SEMA3E: variants seen among roughly 807,000 people sequenced by gnomAD.
SEMA3E encodes the protein semaphorin-3E.
Under a neutral mutation model 93.6 loss-of-function variants are expected in SEMA3E, and 49 were observed. That is an observed-to-expected ratio of 0.52 (90% CI 0.42 to 0.66). The LOEUF (loss-of-function observed/expected upper bound fraction) is 0.66. Among genes scored for constraint, SEMA3E ranks in the 30% least tolerant of loss-of-function variants. The probability of loss-of-function intolerance (pLI) is 0.00; values close to 1 mark genes in which losing one functional copy is unlikely to be tolerated. For missense variants in SEMA3E, 906 were observed against 964.8 expected, an observed-to-expected ratio of 0.94 and a Z score of 0.81; for synonymous variants, 363 against 330.7, an observed-to-expected ratio of 1.10 and a Z score of -1.06.
chr7:83,647,634 A>G (rs76276733), intron 1 of SEMA3E, among the ~76,000 whole-genome samples: 1,692 of 152,316 alleles, frequency 0.011, 17 homozygotes, highest in Non-Finnish European at 0.017. Flanking sequence ...TGCAAAATCT[A>G]TCTTTTAATC....
At chr7:83,523,132 A>T (rs1434204271) in intron 1 of SEMA3E, among the ~76,000 whole-genome samples, 1 of 152,120 alleles carries the variant, frequency 6.6e-6, no homozygotes, top group Non-Finnish European at 1.5e-5. Flanking sequence ...AGAGCAAATG[A>T]GCATCAGAGA....
chr7:83,539,359 G>A (rs535369762), intron 1 of SEMA3E, among the ~76,000 whole-genome samples: 7 of 152,154 alleles, frequency 4.6e-5, no homozygotes, highest in Non-Finnish European at 1.0e-4. Flanking sequence ...CTTTTCCAGT[G>A]ATAAAGCAAC....
intron 4 of SEMA3E, among the ~76,000 whole-genome samples, chr7:83,458,865 GATT>G (rs893294822): frequency 1.2e-4 from 17 of 145,292 alleles, no homozygotes; most frequent in African/African-American, 4.0e-4. Context: ...TTATATATAT[GATT>G]ATATGTTATA....
chr7:83,541,243 G>T (rs1371424625), intron 1 of SEMA3E, among the ~76,000 whole-genome samples: 2 of 152,114 alleles, frequency 1.3e-5, no homozygotes, highest in African/African-American at 4.8e-5. Flanking sequence ...TCAACTATTC[G>T]AAAATTCTTT....
At chr7:83,566,775 C>T (rs1363365307) in intron 1 of SEMA3E, among the ~76,000 whole-genome samples, 1 of 152,072 alleles carries the variant, frequency 6.6e-6, no homozygotes, top group Non-Finnish European at 1.5e-5. Flanking sequence ...ACTGCCAGAG[C>T]AAACACACAA....
chr7:83,376,826 T>G (rs953002246), intron 16 of SEMA3E, among the ~76,000 whole-genome samples: 1 of 152,066 alleles, frequency 6.6e-6, no homozygotes, highest in Non-Finnish European at 1.5e-5. Context: ...CACTTTATTT[T>G]TAAGACACAG....
chr7:83,407,331 CTTAAGT>C (rs1005409414), intron 6 of SEMA3E, 92 bp from the exon 7 acceptor site: 16 of 1,106,610 alleles, frequency 1.4e-5, no homozygotes, highest in Non-Finnish European at 2.0e-5. Context: ...CATCTGAATC[CTTAAGT>C]TTAACTTTCA....
intron 1 of SEMA3E, among the ~76,000 whole-genome samples, chr7:83,533,753 C>T (rs17446838): frequency 0.53 from 80,040 of 151,668 alleles, 23,441 homozygotes; most frequent in Middle Eastern, 0.7. Context: ...ATTGTGCTTA[C>T]CTGAGATCTG....
intron 1 of SEMA3E, among the ~76,000 whole-genome samples, chr7:83,500,590 C>CTTTTTTT (rs371350850): frequency 0.019 from 1,944 of 100,524 alleles, 76 homozygotes; most frequent in Middle Eastern, 0.058. Flanking sequence ...AACTTTCTTC[C>CTTTTTTT]TTTTTTTTTT....
intron 1 of SEMA3E, among the ~76,000 whole-genome samples, chr7:83,614,221 GCT>G (rs1461802155): frequency 3.1e-4 from 47 of 152,172 alleles, no homozygotes; most frequent in Non-Finnish European, 1.2e-4. Flanking sequence ...GGTAAATTGA[GCT>G]TTTCACATTC....
chr7:83,485,872 AATGT>A (rs1169249822), intron 2 of SEMA3E, among the ~76,000 whole-genome samples: 1 of 152,046 alleles, frequency 6.6e-6, no homozygotes, highest in Non-Finnish European at 1.5e-5. Flanking sequence ...TGTTCTAATG[AATGT>A]ATGTTATGTA....
intron 1 of SEMA3E, among the ~76,000 whole-genome samples, chr7:83,567,620 A>C (rs777578563): frequency 4.6e-5 from 7 of 152,162 alleles, no homozygotes; most frequent in Non-Finnish European, 7.4e-5. Flanking sequence ...CAAGTTTTAC[A>C]AATACATGGA....
intron 1 of SEMA3E, among the ~76,000 whole-genome samples, chr7:83,640,653 GT>G (rs1393305461): frequency 6.6e-6 from 1 of 152,118 alleles, no homozygotes; most frequent in Non-Finnish European, 1.5e-5. Flanking sequence ...TATATTTATT[GT>G]GTTAAACAAA....
At chr7:83,374,206 C>CAAAAAAAA (rs71074647) in intron 16 of SEMA3E, among the ~76,000 whole-genome samples, 4 of 93,342 alleles carry the variant, frequency 4.3e-5, no homozygotes, top group African/African-American at 8.8e-5. Context: ...AACTGCGTCT[C>CAAAAAAAA]AAAAAAAAAA....
intron 1 of SEMA3E, among the ~76,000 whole-genome samples, chr7:83,595,740 G>A (rs1792860045): frequency 6.6e-6 from 1 of 151,832 alleles, no homozygotes; most frequent in African/African-American, 2.4e-5. Flanking sequence ...TGCATTATTG[G>A]GAAGGATACC....
intron 16 of SEMA3E, 46 bp downstream of exon 16, chr7:83,385,248 C>T (rs1156687234): frequency 6.2e-7 from 1 of 1,603,342 alleles, no homozygotes; most frequent in East Asian, 2.2e-5. Context: ...ACTGATCACA[C>T]ACTATATGCA....
rs377528739 is a variant in SEMA3E, at chr7:83,482,840, G to T, written c.276+7274C>A. ...CTCCAAATCTAGGTTAAAAGAGAAA[G>T]AAAATAGATTTTAAAAAATTGGATA... On this transcript the variant is annotated intron_variant, in intron 2 of 16. Coordinates refer to ENST00000643230, the MANE Select transcript of SEMA3E (RefSeq NM_012431.3). Among the ~76,000 whole-genome samples, 4 of 152,194 alleles carry T rather than the reference G, an allele frequency of 2.6e-5. No individual in the cohort carries two copies. The East Asian group carries it at 7.7e-4, about 29-fold the overall frequency.
intron 11 of SEMA3E, among the ~76,000 whole-genome samples, chr7:83,399,369 T>C (rs1269391047): frequency 6.6e-6 from 1 of 152,128 alleles, no homozygotes; most frequent in Non-Finnish European, 1.5e-5. Flanking sequence ...ACTTGTAGCA[T>C]ATTTATCATA....
At position 83,450,440 on chromosome 7, in the gene SEMA3E, G is replaced by A. The variant is rs531514511; in HGVS notation, c.456+16042C>T. On this transcript the variant is annotated intron_variant, in intron 4 of 16. Coordinates refer to ENST00000643230, the MANE Select transcript of SEMA3E (RefSeq NM_012431.3). Reference sequence around the variant, plus strand: ...ATTACAGTAATGAAAACACATGAACGAAAACTACACACAACATAGATCAAT... The same window carrying A: ...ATTACAGTAATGAAAACACATGAACAAAAACTACACACAACATAGATCAAT... 2.9e-3 allele frequency among the ~76,000 whole-genome samples: 441 copies of A among 152,162 alleles called. 2 individuals carry two copies. Among genetic ancestry groups the A allele is most frequent in the African/African-American group, 9.5e-3 (393 of 41,520 alleles).
Sources: gnomAD v4.1 joint callset for allele counts (sites outside exome capture counted in the v4.1 genomes callset) on GRCh38, gnomAD v4.1.1 for gene constraint, MANE v1.5 for transcripts, NCBI Gene and HGNC (gene_info 2026-07-23, HGNC 2026-07-21) for gene names.